The following FNBP1 variants were observed in gnomAD, a reference collection of about 807,000 sequenced individuals.
FNBP1 encodes the protein formin binding protein 1.
In FNBP1, 26 loss-of-function variants were observed where a neutral mutation model predicts 90.6. The observed-to-expected ratio is 0.29, with a 90% CI of 0.21 to 0.40. The LOEUF (loss-of-function observed/expected upper bound fraction) is 0.40, where lower values mean the gene tolerates loss of function less well. Ranked by LOEUF, FNBP1 falls within the 10% of genes least tolerant of loss-of-function variation. The pLI, the probability that FNBP1 is intolerant of heterozygous loss-of-function variation, is 1.00. For missense variants in FNBP1, 635 were observed against 768.0 expected, an observed-to-expected ratio of 0.83 and a Z score of 2.05; for synonymous variants, 260 against 265.2, an observed-to-expected ratio of 0.98 and a Z score of 0.19.
At chr9:129,994,761 C>T in intron 2 of FNBP1, 82 bp downstream of exon 2, 1 of 643,264 alleles carries the variant, frequency 1.6e-6, no homozygotes, top group Non-Finnish European at 2.7e-6. Context: ...TTAAAATATA[C>T]ATTTATACTG....
chr9:130,032,661 A>G (rs1351869536), intron 1 of FNBP1, among the ~76,000 whole-genome samples: 2 of 152,174 alleles, frequency 1.3e-5, no homozygotes, highest in African/African-American at 4.8e-5. Context: ...CTAAGCTGAT[A>G]GGCAGAATAA....
intron 1 of FNBP1, among the ~76,000 whole-genome samples, chr9:130,028,313 A>G (rs2132083345): frequency 6.6e-6 from 1 of 152,372 alleles, no homozygotes; most frequent in East Asian, 1.9e-4. Context: ...GGTACAACAG[A>G]AATCTCAGTC....
chr9:129,922,201 C>T (rs1315940003), intron 10 of FNBP1, among the ~76,000 whole-genome samples: 1 of 150,856 alleles, frequency 6.6e-6, no homozygotes, highest in East Asian at 2.0e-4. Context: ...TTAGACTAGA[C>T]TGGCCATTGA....
intron 4 of FNBP1, among the ~76,000 whole-genome samples, chr9:129,977,604 G>C (rs1413954076): frequency 6.6e-6 from 1 of 151,378 alleles, no homozygotes; most frequent in Non-Finnish European, 1.5e-5. Flanking sequence ...CAATTCTCGT[G>C]CTTCAGACCC....
chr9:130,005,989 C>A (rs571681202), intron 1 of FNBP1, among the ~76,000 whole-genome samples: 3 of 151,518 alleles, frequency 2.0e-5, no homozygotes, highest in African/African-American at 7.2e-5. Flanking sequence ...ATAGCAGGAG[C>A]CTGTGAGGTA....
At chr9:130,001,752 G>C (rs148462939) in intron 1 of FNBP1, among the ~76,000 whole-genome samples, 1,708 of 152,034 alleles carry the variant, frequency 0.011, 22 homozygotes, top group Middle Eastern at 0.054. Context: ...AGCCGGGCAT[G>C]GTGGCTCACG....
the FNBP1 span, among the ~76,000 whole-genome samples, chr9:130,049,585 TA>T: frequency 6.6e-6 from 1 of 151,410 alleles, no homozygotes; most frequent in Admixed American, 6.6e-5. Context: ...CGGTTGTGCT[TA>T]GCTACTTGGG....
chr9:129,950,086 T>C (rs560283960), intron 6 of FNBP1, among the ~76,000 whole-genome samples: 1 of 152,292 alleles, frequency 6.6e-6, no homozygotes, highest in South Asian at 2.1e-4. Context: ...TCAGAAATCA[T>C]AATGGGAGAT....
rs1215129268 is a variant in FNBP1 at position 130,041,373 on chromosome 9, T to C, written c.24+1579A>G. 6.6e-6 allele frequency among the ~76,000 whole-genome samples: 1 copy of C among 152,132 alleles called. No individual in the cohort carries two copies. The highest frequency in any genetic ancestry group is 1.9e-4 in the East Asian group (1 of 5,200). On this transcript the variant is annotated intron_variant, in intron 1 of 16. Coordinates refer to ENST00000446176, the MANE Select transcript of FNBP1 (RefSeq NM_015033.3). This position sits in a 1 kb window ranked among gnomAD's most constrained non-coding sequence, Gnocchi z 4.3. ...AAATATATTGTACATTTTCCCTCCA[T>C]AATTCCATCCACCTGTCTGAACAAG... is the stretch of plus-strand genomic sequence containing the variant.
At chr9:130,005,621 G>A (rs961194168) in intron 1 of FNBP1, among the ~76,000 whole-genome samples, 1 of 152,090 alleles carries the variant, frequency 6.6e-6, no homozygotes, top group African/African-American at 2.4e-5. Flanking sequence ...GCTTACAGGC[G>A]TGAGCCACTG....
intron 1 of FNBP1, among the ~76,000 whole-genome samples, chr9:130,028,724 A>G (rs1014318910): frequency 6.6e-6 from 1 of 152,224 alleles, no homozygotes; most frequent in African/African-American, 2.4e-5. Flanking sequence ...GCAACACGTT[A>G]TGACAGCTAT....
At chr9:129,891,149 C>T (rs1373273708) in intron 16 of FNBP1, among the ~76,000 whole-genome samples, 5 of 111,050 alleles carry the variant, frequency 4.5e-5, no homozygotes, top group South Asian at 3.5e-4. Flanking sequence ...AGCAAGACTC[C>T]GTCTTAAAAA....
At chr9:129,907,580 G>GGGGTGTGT (rs942734835) in intron 12 of FNBP1, among the ~76,000 whole-genome samples, 2,746 of 147,062 alleles carry the variant, frequency 0.019, 44 homozygotes, top group African/African-American at 0.04. Flanking sequence ...TAGGAGTGAG[G>GGGGTGTGT]GTGTGTGTGT....
intron 1 of FNBP1, among the ~76,000 whole-genome samples, chr9:130,020,837 C>G (rs796578348): frequency 3.9e-5 from 6 of 152,172 alleles, no homozygotes; most frequent in African/African-American, 1.4e-4. Context: ...GCTTTCAGGC[C>G]TTCGTTCCCA....
chr9:130,051,395 T>A, the FNBP1 span, among the ~76,000 whole-genome samples: 4 of 152,216 alleles, frequency 2.6e-5, no homozygotes, highest in African/African-American at 9.6e-5. Context: ...CTGGAGACTA[T>A]TAACACATTA....
At chr9:129,907,246 G>A (rs958450974) in intron 12 of FNBP1, among the ~76,000 whole-genome samples, 2 of 152,068 alleles carry the variant, frequency 1.3e-5, no homozygotes, top group African/African-American at 4.8e-5. Flanking sequence ...AGCATACATT[G>A]CTTTGTGTAT....
intron 8 of FNBP1, 80 bp downstream of exon 8, chr9:129,927,115 T>G: frequency 5.1e-5 from 73 of 1,421,784 alleles, no homozygotes; most frequent in Non-Finnish European, 6.6e-5. Context: ...GATGATGACA[T>G]GAGGTCAAAT....
intron 4 of FNBP1, among the ~76,000 whole-genome samples, chr9:129,970,445 A>G (rs1198845178): frequency 6.6e-6 from 1 of 152,040 alleles, no homozygotes; most frequent in South Asian, 2.1e-4. Context: ...ACCTCAAGCA[A>G]TCCACCCGCC....
chr9:129,974,311 C>T (rs1300426528), intron 4 of FNBP1, among the ~76,000 whole-genome samples: 1 of 152,140 alleles, frequency 6.6e-6, no homozygotes, highest in Non-Finnish European at 1.5e-5. Flanking sequence ...GCTCACTGCA[C>T]CTTCCTGTGC....
Sources: allele counts gnomAD v4.1 joint callset (sites outside exome capture counted in the v4.1 genomes callset), GRCh38; gene constraint gnomAD v4.1.1; non-coding constraint Gnocchi (gnomAD v3.1); transcripts MANE v1.5; gene names NCBI Gene and HGNC (gene_info 2026-07-23, HGNC 2026-07-21).